Variants in GIPC1 observed in about 807,000 individuals in gnomAD.
GIPC1 encodes the protein GIPC PDZ domain containing family member 1.
In GIPC1, 15 loss-of-function variants were observed where a neutral mutation model predicts 28.5. The observed-to-expected ratio is 0.53, with a 90% CI of 0.35 to 0.81. The LOEUF (loss-of-function observed/expected upper bound fraction) is 0.81, where lower values mean the gene tolerates loss of function less well. Ranked by LOEUF, GIPC1 falls within the 30% of genes least tolerant of loss-of-function variation. The pLI, the probability that GIPC1 is intolerant of heterozygous loss-of-function variation, is 0.01. For synonymous variants in GIPC1, 224 were observed against 206.1 expected, an observed-to-expected ratio of 1.09 and a Z score of -0.74; for missense variants, 439 against 481.9, an observed-to-expected ratio of 0.91 and a Z score of 0.83.
intron 3 of GIPC1, among the ~76,000 whole-genome samples, chr19:14,487,000 G>A (rs536007538): frequency 6.7e-6 from 1 of 149,370 alleles, no homozygotes. Context: ...TTTCTTTTTA[G>A]TACTTACTGT....
In GIPC1 at chr19:14,486,453, T is replaced by A. The variant is rs192227726; in HGVS notation, c.-30-3447A>T. Among the ~76,000 whole-genome samples the A allele has an allele frequency of 2.5e-3, 379 of 152,260 alleles. 6 individuals carry two copies. Among genetic ancestry groups the A allele is most frequent in the East Asian group, 4.3e-3 (22 of 5,172 alleles). ...GAGAGGAAGTGGCACATGACATTTC[T>A]GGGCTGAGGCATTTAAGTGCTGGAG... is the stretch of plus-strand genomic sequence containing the variant. On this transcript the variant is annotated intron_variant, in intron 3 of 8. Transcript: ENST00000393033.
In GIPC1 at chr19:14,492,232, C is replaced by T. The variant is rs1449585922; in HGVS notation, c.-118-489G>A. On this transcript the variant is annotated intron_variant, in intron 2 of 8. Coordinates refer to ENST00000393033, the MANE Select transcript of GIPC1 (RefSeq NM_005716.4). ...TAACCTCTCTGAGCTCCAAGGAAAT[C>T]ATGCATGTGCTTGGAACAGTCCTGG... 2.0e-5 allele frequency among the ~76,000 whole-genome samples: 3 copies of T among 152,280 alleles called. No individual in the cohort carries two copies. In the East Asian group the frequency reaches 5.8e-4, roughly 29 times the overall value.
chr19:14,490,567 C>CT (rs2071947839), intron 3 of GIPC1, among the ~76,000 whole-genome samples: 1 of 151,724 alleles, frequency 6.6e-6, no homozygotes, highest in Non-Finnish European at 1.5e-5. Flanking sequence ...ATCCCAGCTA[C>CT]TAGGGAGGCT....
intron 6 of GIPC1, 86 bp downstream of exon 6, chr19:14,480,219 G>A (rs1050889416): frequency 1.7e-6 from 2 of 1,196,802 alleles, no homozygotes; most frequent in Non-Finnish European, 2.4e-6. Flanking sequence ...GCCAGGCTTG[G>A]GCGCCACCTG....
At chr19:14,480,139 C>G in intron 6 of GIPC1, 166 bp downstream of exon 6, 1 of 632,806 alleles carries the variant, frequency 1.6e-6, no homozygotes, top group East Asian at 2.8e-5. Context: ...GGGCCAAGGG[C>G]CAGCACCCCG....
intron 3 of GIPC1, among the ~76,000 whole-genome samples, chr19:14,487,052 C>A (rs975169557): frequency 3.3e-5 from 5 of 151,646 alleles, no homozygotes; most frequent in Non-Finnish European, 5.9e-5. Flanking sequence ...ATAAAAAAAG[C>A]AAGATCCCTG....
At chr19:14,484,898 G>A (rs965821162) in intron 3 of GIPC1, among the ~76,000 whole-genome samples, 1 of 151,912 alleles carries the variant, frequency 6.6e-6, no homozygotes. Context: ...CATAGTGCCC[G>A]CCTGTAATCC....
intron 3 of GIPC1, among the ~76,000 whole-genome samples, chr19:14,485,702 T>TAGAGAGAGAG (rs747570310): frequency 7.1e-4 from 42 of 58,782 alleles, no homozygotes; most frequent in South Asian, 2.9e-3. Flanking sequence ...TATATATATA[T>TAGAGAGAGAG]AGAGAGAGAG....
intron 3 of GIPC1, among the ~76,000 whole-genome samples, chr19:14,487,684 C>CTTTTTTTT (rs1489160301): frequency 2.9e-5 from 3 of 103,460 alleles, no homozygotes; most frequent in African/African-American, 4.4e-5. Flanking sequence ...CCTTTATTTT[C>CTTTTTTTT]CTTTTTTTTT....
chr19:14,486,623 T>C (rs1347350226), intron 3 of GIPC1, among the ~76,000 whole-genome samples: 1 of 151,974 alleles, frequency 6.6e-6, no homozygotes, highest in East Asian at 1.9e-4. Context: ...AAAAAGCAAA[T>C]CTTTGCTGAA....
intron 3 of GIPC1, among the ~76,000 whole-genome samples, chr19:14,483,974 T>C (rs551131299): frequency 3.2e-4 from 49 of 151,666 alleles, no homozygotes; most frequent in East Asian, 1.2e-3. Context: ...GCTGGGCCCA[T>C]AGGCACATGC....
At chr19:14,489,004 C>T (rs927055813) in intron 3 of GIPC1, among the ~76,000 whole-genome samples, 59 of 151,978 alleles carry the variant, frequency 3.9e-4, no homozygotes, top group African/African-American at 1.3e-3. Context: ...CAGCTCACTA[C>T]AGCCTCAAAT....
intron 2 of GIPC1, among the ~76,000 whole-genome samples, chr19:14,492,409 C>A (rs1471785791): frequency 6.6e-6 from 1 of 152,054 alleles, no homozygotes; most frequent in Non-Finnish European, 1.5e-5. Flanking sequence ...CGGGTTCACG[C>A]CATTCTCCTG....
In GIPC1 at chr19:14,480,288, A is replaced by G. The variant is rs2071696413; in HGVS notation, c.655+17T>C. On this transcript the variant is annotated intron_variant, in intron 6 of 8. Coordinates refer to ENST00000393033, the MANE Select transcript of GIPC1 (RefSeq NM_005716.4). ...GCGAGCAGCGCCACTGGGGAGGTCC[A>G]GGGGGCGGCTCCTCACCGAAGGCCT... 1 of 1,603,328 alleles carries G rather than the reference A, an allele frequency of 6.2e-7. No individual in the cohort carries two copies. Among genetic ancestry groups the G allele is most frequent in the African/African-American group, 1.3e-5 (1 of 74,748 alleles).
chr19:14,479,946 G>A, intron 6 of GIPC1: 1 of 457,702 alleles, frequency 2.2e-6, no homozygotes, highest in South Asian at 2.7e-5. Context: ...CAGGGGCCTG[G>A]GGCCCATTCC....
At chr19:14,495,227 TG>T (rs984317013) in intron 1 of GIPC1, among the ~76,000 whole-genome samples, 8 of 137,628 alleles carry the variant, frequency 5.8e-5, no homozygotes, top group Non-Finnish European at 1.1e-4. Flanking sequence ...TCTCCAGCTC[TG>T]GGGAGAAGGG....
In GIPC1 at chr19:14,479,444, G is replaced by A. The variant is rs1374595895; in HGVS notation, c.736C>T (p.Arg246Ter). The A allele has an allele frequency of 3.5e-6, 5 of 1,422,496 alleles. No individual in the cohort carries two copies. Among genetic ancestry groups the A allele is most frequent in the East Asian group, 5.8e-5 (2 of 34,330 alleles). The allele number at this position is 1,422,496 out of a possible 1,614,324, so 88.1% of individuals were successfully genotyped here. Residue 246 changes from arginine (R) to a stop codon, truncating the protein, a stop_gained, in exon 7 of 9, where the codon CGA (arginine) becomes TGA (stop). Coordinates refer to ENST00000393033, the MANE Select transcript of GIPC1 (RefSeq NM_005716.4). LOFTEE classifies it high-confidence loss of function. ...LGTGRGTLRL[R>*]SRGPATVEDL... ...TCCACCGTGGCGGGGCCCCGGGATC[G>A]GAGCCGCAGGGTCCCTCGGCCAGTG...
chr19:14,480,317 G>GAGGCTCC lies in GIPC1; in HGVS notation c.636_642dup (p.Arg215GlyfsTer49), dbSNP rs752071186. 6 of 1,610,984 alleles carry GAGGCTCC rather than the reference G, an allele frequency of 3.7e-6. No individual in the cohort carries two copies. Among genetic ancestry groups the GAGGCTCC allele is most frequent in the Non-Finnish European group, 5.1e-6 (6 of 1,179,772 alleles). Reference sequence around the variant, plus strand: ...GGCGGCTCCTCACCGAAGGCCTTGCGAGGCTCCGTGAGCTTCAGCGTGAAG... The same window carrying GAGGCTCC: ...GGCGGCTCCTCACCGAAGGCCTTGCGAGGCTCCAGGCTCCGTGAGCTTCAGCGTGAAG... On this transcript the variant is annotated frameshift_variant, in exon 6 of 9. Transcript: ENST00000393033. LOFTEE classifies it high-confidence loss of function.
chr19:14,480,559 C>G, intron 5 of GIPC1, 34 bp downstream of exon 5: 1 of 1,608,616 alleles, frequency 6.2e-7, no homozygotes, highest in Non-Finnish European at 8.5e-7. Context: ...ACCCTCACTC[C>G]CAGGCCTCCG....
Sources: allele counts gnomAD v4.1 joint callset (sites outside exome capture counted in the v4.1 genomes callset), GRCh38; gene constraint gnomAD v4.1.1; transcripts MANE v1.5; gene names NCBI Gene and HGNC (gene_info 2026-07-23, HGNC 2026-07-21).